Variants in TRMT11 observed in about 807,000 individuals in gnomAD.
The protein encoded by TRMT11 is tRNA methyltransferase 11, also known as tRNA (guanine(10)-N(2))-methyltransferase TRMT11.
A neutral mutation model predicts 62.8 loss-of-function variants in TRMT11; 53 were observed. That is an observed-to-expected ratio of 0.84 (90% CI 0.68 to 1.06). TRMT11 has a LOEUF of 1.06. Ranked by LOEUF, TRMT11 falls within the 50% of genes least tolerant of loss-of-function variation. The probability of loss-of-function intolerance (pLI) is 0.00; values close to 1 mark genes in which losing one functional copy is unlikely to be tolerated. For missense variants in TRMT11, 556 were observed against 553.4 expected, an observed-to-expected ratio of 1.00 and a Z score of -0.05; for synonymous variants, 188 against 190.3, an observed-to-expected ratio of 0.99 and a Z score of 0.10.
chr6:126,036,629 A>G (rs1193698690), intron 12 of TRMT11, among the ~76,000 whole-genome samples: 1 of 152,148 alleles, frequency 6.6e-6, no homozygotes, highest in Non-Finnish European at 1.5e-5. Flanking sequence ...AGCTGAAAAG[A>G]TGACAGCATC....
chr6:126,200,172 A>G (rs1478028134), intron 3 of TRMT11, among the ~76,000 whole-genome samples: 2 of 152,212 alleles, frequency 1.3e-5, no homozygotes, highest in East Asian at 1.9e-4. Flanking sequence ...AGAAAGTTAG[A>G]CAAGAAAGAG....
intron 21 of TRMT11, among the ~76,000 whole-genome samples, chr6:126,147,905 G>A (rs1221173272): frequency 3.3e-5 from 5 of 152,040 alleles, no homozygotes; most frequent in Non-Finnish European, 7.4e-5. Context: ...GTGGGGGTAG[G>A]GGGCTAGGGA....
At position 126,140,769 on chromosome 6, in the gene TRMT11, A is replaced by G. The variant is rs888865999; in HGVS notation, c.*1823+24914A>G. On this transcript the variant is annotated intron_variant and NMD_transcript_variant, in intron 21 of 22. Transcript: ENST00000648977. The stretch of plus-strand genomic sequence containing the variant: ...AAACAACCTACAGAGTATTTGTACT[A>G]TATGCTGCTTTAGTTTTTGTGGTCT... Among the ~76,000 whole-genome samples the G allele has an allele frequency of 4.6e-5, 7 of 152,090 alleles. No homozygotes were observed. In the South Asian group the frequency reaches 1.2e-3, roughly 27 times the overall value.
chr6:126,164,926 T>C (rs539794089), intron 21 of TRMT11, among the ~76,000 whole-genome samples: 3 of 152,132 alleles, frequency 2.0e-5, no homozygotes, highest in African/African-American at 7.2e-5. Context: ...TCTTGACTCT[T>C]TATCCAATGT....
the TRMT11 span, among the ~76,000 whole-genome samples, chr6:126,256,055 AACTAG>A: frequency 6.6e-6 from 1 of 152,184 alleles, no homozygotes; most frequent in Non-Finnish European, 1.5e-5. Flanking sequence ...CTAAAGTTTT[AACTAG>A]ACTGGAGGAT....
chr6:126,043,533 T>C (rs1259357046), downstream of TRMT11, among the ~76,000 whole-genome samples: 3 of 150,000 alleles, frequency 2.0e-5, no homozygotes, highest in Admixed American at 6.6e-5. Context: ...TGTGTCTTTA[T>C]AGCAGCATGA....
At chr6:126,222,734 T>G in the TRMT11 span, among the ~76,000 whole-genome samples, 1 of 152,208 alleles carries the variant, frequency 6.6e-6, no homozygotes, top group African/African-American at 2.4e-5. Context: ...GCATGTGAGA[T>G]GGATGTCTTA....
intron 17 of TRMT11, among the ~76,000 whole-genome samples, chr6:126,057,335 C>T (rs1287981230): frequency 6.6e-6 from 1 of 152,190 alleles, no homozygotes; most frequent in Non-Finnish European, 1.5e-5. Context: ...ATCTTTGAAG[C>T]TACTTATCTC....
downstream of TRMT11, among the ~76,000 whole-genome samples, chr6:126,205,924 CACACACACACACACAT>C (rs1212054172): frequency 4.0e-5 from 6 of 151,738 alleles, no homozygotes; most frequent in Admixed American, 2.6e-4. Flanking sequence ...CACACACACA[CACACACACACACACAT>C]GCGCGCACAC....
chr6:126,227,542 T>C, the TRMT11 span, among the ~76,000 whole-genome samples: 483 of 152,296 alleles, frequency 3.2e-3, 5 homozygotes, highest in African/African-American at 0.011. Flanking sequence ...GATTTAACCA[T>C]CTCAGAAAAT....
chr6:126,157,520 G>T (rs1778135395), intron 21 of TRMT11, among the ~76,000 whole-genome samples: 1 of 152,170 alleles, frequency 6.6e-6, no homozygotes, highest in Admixed American at 6.5e-5. Flanking sequence ...GCTGTGTGTT[G>T]CTCTTTTCCT....
chr6:126,211,554 G>C, the TRMT11 span, among the ~76,000 whole-genome samples: 2 of 151,830 alleles, frequency 1.3e-5, no homozygotes, highest in Admixed American at 1.3e-4. Flanking sequence ...TCTTCAGCCT[G>C]AATGAGCTTT....
Position 126,134,278 on chromosome 6 carries a change from C to T in TRMT11, c.*1823+18423C>T, listed in dbSNP as rs567613895. Reference sequence around the variant, plus strand: ...AAGTCACTTCACCTGAAAAGACATACATAGACTGAAAGTGAAGGGATGGGA... The same window carrying T: ...AAGTCACTTCACCTGAAAAGACATATATAGACTGAAAGTGAAGGGATGGGA... On this transcript the variant is annotated intron_variant and NMD_transcript_variant, in intron 21 of 22. Transcript: ENST00000648977. Among the ~76,000 whole-genome samples the T allele has an allele frequency of 4.3e-4, 65 of 151,820 alleles. No homozygotes were observed. The South Asian group carries it at 0.013, about 31-fold the overall frequency.
At chr6:126,188,700 A>C (rs902240486) in intron 1 of TRMT11, among the ~76,000 whole-genome samples, 3 of 152,162 alleles carry the variant, frequency 2.0e-5, no homozygotes, top group African/African-American at 7.2e-5. Context: ...GAGCATGTAG[A>C]CAAGTTTGCA....
intron 21 of TRMT11, among the ~76,000 whole-genome samples, chr6:126,134,290 G>A (rs1219707849): frequency 6.6e-6 from 1 of 151,962 alleles, no homozygotes; most frequent in African/African-American, 2.4e-5. Context: ...TAGACTGAAA[G>A]TGAAGGGATG....
intron 21 of TRMT11, among the ~76,000 whole-genome samples, chr6:126,150,024 A>T (rs922173666): frequency 6.6e-6 from 1 of 152,194 alleles, no homozygotes; most frequent in Admixed American, 6.5e-5. Context: ...GTTGAAATTT[A>T]ATCCCTAATG....
At chr6:126,032,686 T>C (rs1774429384) in intron 12 of TRMT11, among the ~76,000 whole-genome samples, 1 of 152,176 alleles carries the variant, frequency 6.6e-6, no homozygotes, top group African/African-American at 2.4e-5. Context: ...AGTTTGTAAG[T>C]ATATGTCTGG....
At chr6:126,063,400 T>G (rs1776594832) in intron 17 of TRMT11, among the ~76,000 whole-genome samples, 1 of 152,228 alleles carries the variant, frequency 6.6e-6, no homozygotes, top group Non-Finnish European at 1.5e-5. Context: ...GGGAAAAGTC[T>G]TACTAGCTTT....
the TRMT11 span, among the ~76,000 whole-genome samples, chr6:126,243,486 GTATGTTTA>G: frequency 2.6e-5 from 4 of 152,108 alleles, no homozygotes; most frequent in African/African-American, 9.7e-5. Context: ...ACATGCACAC[GTATGTTTA>G]TTGCGGCACT....
Sources: gnomAD v4.1 joint callset for allele counts (sites outside exome capture counted in the v4.1 genomes callset) on GRCh38, gnomAD v4.1.1 for gene constraint, MANE v1.5 for transcripts, NCBI Gene and HGNC (gene_info 2026-07-23, HGNC 2026-07-21) for gene names.